HAUS6: variants seen among roughly 807,000 people sequenced by gnomAD.
HAUS6 encodes HAUS augmin-like complex subunit 6.
HAUS6 carries 80 observed loss-of-function variants against 106.8 expected under a neutral mutation model. That is an observed-to-expected ratio of 0.75 (90% CI 0.63 to 0.90). The LOEUF is 0.90. HAUS6 is among the 40% of genes least tolerant of loss of function. The pLI is 0.00. For synonymous variants in HAUS6, 356 were observed against 379.1 expected, an observed-to-expected ratio of 0.94 and a Z score of 0.71; for missense variants, 1,155 against 1,118.1, an observed-to-expected ratio of 1.03 and a Z score of -0.47.
chr9:19,102,148 C>A (rs935000306), intron 1 of HAUS6, among the ~76,000 whole-genome samples: 1 of 152,142 alleles, frequency 6.6e-6, no homozygotes, highest in African/African-American at 2.4e-5. Flanking sequence ...TTCAAAGGCT[C>A]CCTTGAGTCC....
intron 7 of HAUS6, among the ~76,000 whole-genome samples, chr9:19,084,385 C>T (rs1017119679): frequency 6.6e-6 from 1 of 152,114 alleles, no homozygotes; most frequent in African/African-American, 2.4e-5. Context: ...TAAACAGGTT[C>T]AAGGAGGATT....
rs1218845279 is a variant in HAUS6 at position 19,062,996 on chromosome 9, G to C, written c.1629+12C>G. On this transcript the variant is annotated intron_variant, in intron 14 of 16. Coordinates refer to ENST00000380502, the MANE Select transcript of HAUS6 (RefSeq NM_017645.5). Reference sequence around the variant, plus strand: ...CTGATATTTAAGTATACTCATTACAGTCTTTTCTCACCTCTTCTACCAGAT... The same window carrying C: ...CTGATATTTAAGTATACTCATTACACTCTTTTCTCACCTCTTCTACCAGAT... 21 of 1,589,276 alleles carry C rather than the reference G, an allele frequency of 1.3e-5. No homozygotes were observed. Among genetic ancestry groups the C allele is most frequent in the Non-Finnish European group, 1.7e-5 (20 of 1,160,010 alleles).
At chr9:19,076,506 G>T in intron 11 of HAUS6, 96 bp downstream of exon 11, 1 of 705,870 alleles carries the variant, frequency 1.4e-6, no homozygotes, top group Non-Finnish European at 2.5e-6. Context: ...AAAAAAAATG[G>T]AGGAAAAAGA....
At chr9:19,098,416 A>C (rs1344036573) in intron 1 of HAUS6, among the ~76,000 whole-genome samples, 1 of 149,432 alleles carries the variant, frequency 6.7e-6, no homozygotes, top group Non-Finnish European at 1.5e-5. Context: ...CCAGCCTGGC[A>C]AAAGAGCAAG....
chr9:19,102,494 C>G (rs1028931259), intron 1 of HAUS6, 30 bp downstream of exon 1: 3 of 1,608,430 alleles, frequency 1.9e-6, no homozygotes, highest in Non-Finnish European at 1.7e-6. Context: ...GGTTCAGGCT[C>G]CCTCGCCCCG....
chr9:19,090,027 C>G (rs1224983370), intron 4 of HAUS6, among the ~76,000 whole-genome samples: 2 of 151,814 alleles, frequency 1.3e-5, no homozygotes, highest in East Asian at 3.9e-4. Context: ...TTTGTAGAGA[C>G]TGGGTCTGAA....
chr9:19,099,877 C>T (rs765192459), intron 1 of HAUS6, among the ~76,000 whole-genome samples: 2 of 152,004 alleles, frequency 1.3e-5, no homozygotes, highest in Non-Finnish European at 2.9e-5. Flanking sequence ...CAGTGAGAAC[C>T]CATCTCTACA....
At chr9:19,079,640 T>C (rs748142857) in intron 9 of HAUS6, among the ~76,000 whole-genome samples, 1 of 152,136 alleles carries the variant, frequency 6.6e-6, no homozygotes, top group African/African-American at 2.4e-5. Flanking sequence ...CTATTCTTTC[T>C]GGTTAATAAA....
chr9:19,058,067 G>A lies in HAUS6; in HGVS notation c.2700C>T (p.Ile900=), dbSNP rs1376467075. The change falls in exon 16 of 17, where the codon ATC becomes ATT. Residue 900 remains isoleucine (I), a synonymous_variant. Transcript: ENST00000380502. ...EHIKPSLRTS[I]GERKRSLSPL... is the part of the protein sequence containing the mutation. ...GTGAAAGAGACCGTTTTCTTTCACC[G>A]ATGGACGTGCGTAAAGATGGCTTTA... 12 of 1,613,496 alleles carry A rather than the reference G, an allele frequency of 7.4e-6. No individual in the cohort carries two copies. Among genetic ancestry groups the A allele is most frequent in the East Asian group, 2.2e-5 (1 of 44,898 alleles).
At chr9:19,063,334 TTAAC>T (rs1836673951) in intron 13 of HAUS6, 141 bp from the exon 14 acceptor site, 4 of 682,642 alleles carry the variant, frequency 5.9e-6, no homozygotes, top group South Asian at 4.2e-5. Context: ...ACTGGCAGAA[TTAAC>T]TAATTCCAAT....
At chr9:19,057,737 G>A (rs1227833483) in intron 16 of HAUS6, 2 of 426,750 alleles carry the variant, frequency 4.7e-6, no homozygotes, top group East Asian at 3.3e-5. Context: ...GATTGGGGGG[G>A]CTTTTTTTTC....
chr9:19,085,983 A>G (rs1156967747), intron 7 of HAUS6, among the ~76,000 whole-genome samples: 1 of 147,818 alleles, frequency 6.8e-6, no homozygotes, highest in African/African-American at 2.6e-5. Context: ...TATACAACCT[A>G]TGAGTTTTAA....
chr9:19,064,699 T>A (rs10811107), intron 12 of HAUS6, among the ~76,000 whole-genome samples: 3 of 152,114 alleles, frequency 2.0e-5, no homozygotes, highest in African/African-American at 7.2e-5. Flanking sequence ...TTTTATATCA[T>A]AGTAAATGTA....
intron 1 of HAUS6, 64 bp downstream of exon 1, chr9:19,102,460 A>T: frequency 6.5e-7 from 1 of 1,543,454 alleles, no homozygotes; most frequent in Non-Finnish European, 8.9e-7. Flanking sequence ...GGTCTACAAA[A>T]GGGGGAGTCC....
At position 19,056,182 on chromosome 9, in the gene HAUS6, T is replaced by A. The variant is rs1441412970; in HGVS notation, c.*161A>T. ...GGAAAAAATCCAAACATACTTTCCT[T>A]ACCTAAAAATATTAAAGAAGGCTAA... On this transcript the variant is annotated 3_prime_UTR_variant, in exon 17 of 17. Transcript: ENST00000380502. The A allele has an allele frequency of 7.8e-6, 4 of 511,916 alleles. No homozygotes were observed. The highest frequency in any genetic ancestry group is 1.4e-5 in the Non-Finnish European group (4 of 287,364). 31.7% of individuals were successfully genotyped at this position (511,916 alleles called of 1,614,324 possible).
intron 16 of HAUS6, chr9:19,057,734 G>C: frequency 2.3e-6 from 1 of 427,646 alleles, no homozygotes; most frequent in Non-Finnish European, 4.1e-6. Flanking sequence ...TCAGATTGGG[G>C]GGGCTTTTTT....
At chr9:19,091,115 A>G (rs975624024) in intron 4 of HAUS6, among the ~76,000 whole-genome samples, 3 of 152,114 alleles carry the variant, frequency 2.0e-5, no homozygotes, top group Admixed American at 2.0e-4. Flanking sequence ...CCTGGCCAAC[A>G]TAATGATACC....
At chr9:19,057,658 C>T (rs902211358) in intron 16 of HAUS6, 1 of 378,632 alleles carries the variant, frequency 2.6e-6, no homozygotes, top group African/African-American at 2.1e-5. Context: ...TAAAAACCAC[C>T]TTCCACTGGG....
intron 11 of HAUS6, among the ~76,000 whole-genome samples, chr9:19,071,371 C>T (rs2131116655): frequency 6.6e-6 from 1 of 152,064 alleles, no homozygotes; most frequent in South Asian, 2.1e-4. Context: ...GAAGTCCCAA[C>T]AATAGGAGTT....
Sources: gnomAD v4.1 joint callset for allele counts (sites outside exome capture counted in the v4.1 genomes callset) on GRCh38, gnomAD v4.1.1 for gene constraint, MANE v1.5 for transcripts, NCBI Gene and HGNC (gene_info 2026-07-23, HGNC 2026-07-21) for gene names.